GRIN2B: variants seen among roughly 807,000 people sequenced by gnomAD.
The protein encoded by GRIN2B is glutamate receptor ionotropic, NMDA 2B.
GRIN2B carries 5 observed loss-of-function variants against 114.5 expected under a neutral mutation model. That is an observed-to-expected ratio of 0.04 (90% confidence interval 0.02 to 0.09). GRIN2B has a LOEUF of 0.09. GRIN2B is among the 10% of genes least tolerant of loss of function. GRIN2B has a pLI of 1.00. For synonymous variants in GRIN2B, 787 were observed against 745.1 expected, an observed-to-expected ratio of 1.06 and a Z score of -0.92; for missense variants, 1,108 against 1,943.5, an observed-to-expected ratio of 0.57 and a Z score of 8.08.
intron 10 of GRIN2B, among the ~76,000 whole-genome samples, chr12:13,608,020 T>C (rs1038107486): frequency 9.5e-3 from 3 of 316 alleles, no homozygotes; most frequent in Non-Finnish European, 0.017. Flanking sequence ...CTCAATTGCA[T>C]AGGCCCGCAG....
At chr12:13,972,371 A>G (rs538154064) in intron 2 of GRIN2B, among the ~76,000 whole-genome samples, 3 of 152,312 alleles carry the variant, frequency 2.0e-5, no homozygotes, top group African/African-American at 7.2e-5. Flanking sequence ...GTACATGGTC[A>G]CAGAATAAAG....
At chr12:13,583,448 G>C (rs1948878554) in intron 10 of GRIN2B, among the ~76,000 whole-genome samples, 1 of 152,164 alleles carries the variant, frequency 6.6e-6, no homozygotes, top group Non-Finnish European at 1.5e-5. Context: ...ATCAGAGCAA[G>C]GATTCAAATG....
At chr12:13,806,311 A>G (rs220581) in intron 3 of GRIN2B, among the ~76,000 whole-genome samples, 108,455 of 152,026 alleles carry the variant, frequency 0.71, 38,793 homozygotes, top group Middle Eastern at 0.77. Context: ...ATTGTTTTCC[A>G]TAATGATTTA....
At chr12:13,767,277 AAAG>A (rs1863814204) in intron 3 of GRIN2B, among the ~76,000 whole-genome samples, 1 of 151,726 alleles carries the variant, frequency 6.6e-6, no homozygotes, top group South Asian at 2.1e-4. Context: ...AAAAAAAAAA[AAAG>A]TATTCTAATG....
chr12:13,873,497 G>A (rs1242580949), intron 2 of GRIN2B, among the ~76,000 whole-genome samples: 3 of 152,046 alleles, frequency 2.0e-5, no homozygotes, highest in African/African-American at 4.8e-5. Flanking sequence ...CACATAAAAG[G>A]CACCAATCTT....
chr12:13,846,466 G>T (rs188671032), intron 3 of GRIN2B, among the ~76,000 whole-genome samples: 13 of 152,260 alleles, frequency 8.5e-5, no homozygotes, highest in African/African-American at 2.4e-4. Flanking sequence ...GACAAATGAG[G>T]TTGAGACTTC....
chr12:13,664,277 G>A (rs1190763581), intron 5 of GRIN2B, among the ~76,000 whole-genome samples: 1 of 152,114 alleles, frequency 6.6e-6, no homozygotes, highest in Non-Finnish European at 1.5e-5. Context: ...GAAAAGGAAG[G>A]GAAGGTGGGT....
intron 3 of GRIN2B, among the ~76,000 whole-genome samples, chr12:13,809,601 AG>A (rs1486664003): frequency 6.6e-6 from 1 of 152,234 alleles, no homozygotes; most frequent in Non-Finnish European, 1.5e-5. Flanking sequence ...GTAAAATATT[AG>A]CCTGAGAGAT....
At chr12:13,638,957 C>T (rs1949688188) in intron 5 of GRIN2B, among the ~76,000 whole-genome samples, 1 of 152,056 alleles carries the variant, frequency 6.6e-6, no homozygotes, top group African/African-American at 2.4e-5. Context: ...TGTTGTACCT[C>T]AGAGGAAGGA....
chr12:13,583,198 G>A (rs1948875424), intron 10 of GRIN2B, among the ~76,000 whole-genome samples: 1 of 152,108 alleles, frequency 6.6e-6, no homozygotes, highest in Non-Finnish European at 1.5e-5. Context: ...ATAAAATGAG[G>A]CAACAGATAC....
At chr12:13,631,947 G>A (rs757008607) in intron 5 of GRIN2B, among the ~76,000 whole-genome samples, 4 of 152,158 alleles carry the variant, frequency 2.6e-5, no homozygotes, top group Non-Finnish European at 4.4e-5. Context: ...GTCTGACATC[G>A]AGAATTAATT....
intron 10 of GRIN2B, among the ~76,000 whole-genome samples, chr12:13,584,752 G>A (rs936216309): frequency 1.3e-5 from 2 of 152,234 alleles, no homozygotes; most frequent in Non-Finnish European, 2.9e-5. Flanking sequence ...ATGTGACAGA[G>A]TTAGAGATGA....
intron 5 of GRIN2B, among the ~76,000 whole-genome samples, chr12:13,666,422 T>C (rs1949976278): frequency 6.6e-6 from 1 of 152,136 alleles, no homozygotes; most frequent in African/African-American, 2.4e-5. Flanking sequence ...AAGACATCTC[T>C]GTCAGGATAA....
At chr12:13,584,043 T>A (rs1320610966) in intron 10 of GRIN2B, among the ~76,000 whole-genome samples, 1 of 152,146 alleles carries the variant, frequency 6.6e-6, no homozygotes, top group East Asian at 1.9e-4. Context: ...AGTGGAAGCC[T>A]TGACTGAATC....
chr12:13,952,620 A>G (rs1867508351), intron 2 of GRIN2B, among the ~76,000 whole-genome samples: 1 of 152,038 alleles, frequency 6.6e-6, no homozygotes, highest in Admixed American at 6.6e-5. Context: ...TAGATTGTTG[A>G]AAACTATTTA....
chr12:13,611,762 G>A lies in GRIN2B; in HGVS notation c.1743C>T (p.Ser581=), dbSNP rs1949368078. ...CGAGGCACCTGTTATAACCCACAGGGCTGAAGTACTCAAAGACAAAGACAG... is the reference window on the plus strand; with the variant it reads ...CGAGGCACCTGTTATAACCCACAGGACTGAAGTACTCAAAGACAAAGACAG... The part of the protein sequence containing the change: ...AVAVFVFEYF[S]PVGYNRCLAD... The change falls in exon 9 of 14, where the codon AGC becomes AGT. Residue 581 remains serine (S), a synonymous_variant. Coordinates refer to ENST00000609686, the MANE Select transcript of GRIN2B (RefSeq NM_000834.5). 1 of 1,613,516 alleles carries A rather than the reference G, an allele frequency of 6.2e-7. No homozygotes were observed. The highest frequency in any genetic ancestry group is 8.5e-7 in the Non-Finnish European group (1 of 1,179,420).
chr12:13,743,951 C>T (rs1036397987), intron 4 of GRIN2B, among the ~76,000 whole-genome samples: 1 of 152,134 alleles, frequency 6.6e-6, no homozygotes, highest in Non-Finnish European at 1.5e-5. Context: ...ACAATGAATA[C>T]CATATTGTCA....
intron 4 of GRIN2B, among the ~76,000 whole-genome samples, chr12:13,698,373 T>C (rs1382940915): frequency 6.6e-6 from 1 of 152,238 alleles, no homozygotes; most frequent in Non-Finnish European, 1.5e-5. Flanking sequence ...GTTCCTTTTG[T>C]GGAGACAAGT....
At chr12:13,704,193 A>T (rs779514337) in intron 4 of GRIN2B, among the ~76,000 whole-genome samples, 3 of 152,184 alleles carry the variant, frequency 2.0e-5, no homozygotes, top group Non-Finnish European at 2.9e-5. Flanking sequence ...GGAGGCTGAC[A>T]GTGACATGGA....
Sources: gnomAD v4.1 joint callset for allele counts (sites outside exome capture counted in the v4.1 genomes callset) on GRCh38, gnomAD v4.1.1 for gene constraint, MANE v1.5 for transcripts, NCBI Gene and HGNC (gene_info 2026-07-23, HGNC 2026-07-21) for gene names.